ALG8: variants seen among roughly 807,000 people sequenced by gnomAD.
The protein encoded by ALG8 is ALG8 alpha-1,3-glucosyltransferase, also known as dolichyl pyrophosphate Glc1Man9GlcNAc2 alpha-1,3-glucosyltransferase.
Under a neutral mutation model 70.2 loss-of-function variants are expected in ALG8, and 48 were observed. That is an observed-to-expected ratio of 0.68 (90% CI 0.54 to 0.87). The LOEUF (loss-of-function observed/expected upper bound fraction) is 0.87, where lower values mean the gene tolerates loss of function less well. Ranked by LOEUF, ALG8 falls within the 40% of genes least tolerant of loss-of-function variation. The probability of loss-of-function intolerance (pLI) is 0.00; values close to 1 mark genes in which losing one functional copy is unlikely to be tolerated. For synonymous variants in ALG8, 234 were observed against 229.0 expected (o/e 1.02, Z -0.20); for missense variants, 572 against 608.7 (o/e 0.94, Z 0.64).
intron 1 of ALG8, among the ~76,000 whole-genome samples, chr11:78,130,361 A>AAAAAAAAAAAAAAAAAAGAAAG (rs928560857): frequency 2.3e-5 from 3 of 132,632 alleles, no homozygotes; most frequent in African/African-American, 6.3e-5. Flanking sequence ...AAAAAAAAAA[A>AAAAAAAAAAAAAAAAAAGAAAG]AAAAAAGGTG....
At chr11:78,112,575 A>G in intron 8 of ALG8, 75 bp downstream of exon 8, 1 of 1,595,100 alleles carries the variant, frequency 6.3e-7, no homozygotes, top group Non-Finnish European at 8.6e-7. Context: ...CAAAACACAA[A>G]GGTTTTTCCA....
At chr11:78,131,890 AAGT>A (rs1391697464) in intron 1 of ALG8, among the ~76,000 whole-genome samples, 2 of 152,206 alleles carry the variant, frequency 1.3e-5, no homozygotes, top group Non-Finnish European at 2.9e-5. Context: ...ATTGCAGCCA[AAGT>A]AGTATTTCTA....
chr11:78,109,304 A>G, intron 9 of ALG8, 138 bp downstream of exon 9: 1 of 1,155,548 alleles, frequency 8.7e-7, no homozygotes, highest in Non-Finnish European at 1.3e-6. Context: ...TTGCTAGGAA[A>G]TGCTTCAATC....
chr11:78,101,004 A>C lies in ALG8; in HGVS notation c.1541T>G (p.Val514Gly), dbSNP rs776024641. ...CTTGCCAATAGCAGAGTCAATCAAT[A>C]CTGAAACATACAGTTTGAACCAAGC... ...TYAWFKLYVSVLIDSAIGKTK... is the reference protein window; with the variant it reads ...TYAWFKLYVSGLIDSAIGKTK... The change falls in exon 13 of 13, where the codon GTA becomes GGA. Residue 514 changes from valine to glycine, a missense_variant. By Grantham distance (109) the Val-to-Gly change is moderately radical. Transcript: ENST00000299626. 4.3e-6 allele frequency: 7 copies of C among 1,614,110 alleles called. No homozygotes were observed. Among genetic ancestry groups the C allele is most frequent in the Non-Finnish European group, 8.5e-7 (1 of 1,180,038 alleles).
intron 9 of ALG8, among the ~76,000 whole-genome samples, chr11:78,107,209 AT>A (rs1565345784): frequency 6.8e-6 from 1 of 147,544 alleles, no homozygotes. Flanking sequence ...ATATATATAT[AT>A]ATATATATAT....
At chr11:78,122,381 C>A (rs949332669) in intron 3 of ALG8, among the ~76,000 whole-genome samples, 1 of 146,216 alleles carries the variant, frequency 6.8e-6, no homozygotes, top group Admixed American at 6.9e-5. Flanking sequence ...CTCAGTCTGT[C>A]GCCTAGGATG....
intron 10 of ALG8, among the ~76,000 whole-genome samples, 179 bp downstream of exon 10, chr11:78,106,628 C>T (rs1001835460): frequency 2.0e-5 from 3 of 152,188 alleles, no homozygotes; most frequent in African/African-American, 7.2e-5. Flanking sequence ...TTTTTGCATA[C>T]CTTCATGGGT....
chr11:78,103,640 CA>C (rs1178441459), intron 12 of ALG8, among the ~76,000 whole-genome samples: 2 of 151,984 alleles, frequency 1.3e-5, no homozygotes, highest in Non-Finnish European at 2.9e-5. Flanking sequence ...AAAAAACGAA[CA>C]AAAAAAATTT....
At chr11:78,116,211 A>C (rs2136908773) in intron 5 of ALG8, among the ~76,000 whole-genome samples, 1 of 152,234 alleles carries the variant, frequency 6.6e-6, no homozygotes, top group East Asian at 1.9e-4. Context: ...AATACAAAAA[A>C]TTAGCCAGGC....
At chr11:78,126,432 C>T (rs543596190) in intron 2 of ALG8, among the ~76,000 whole-genome samples, 41 of 145,212 alleles carry the variant, frequency 2.8e-4, no homozygotes, top group Middle Eastern at 3.8e-3. Context: ...CTTGGGAGGC[C>T]GAGGCAGGAG....
At chr11:78,102,218 T>C (rs1030880521) in intron 12 of ALG8, among the ~76,000 whole-genome samples, 1 of 152,214 alleles carries the variant, frequency 6.6e-6, no homozygotes, top group Non-Finnish European at 1.5e-5. Flanking sequence ...CTGGAACCAT[T>C]AACAATAACT....
At chr11:78,138,370 A>AT (rs1861638844) in intron 1 of ALG8, among the ~76,000 whole-genome samples, 3 of 151,742 alleles carry the variant, frequency 2.0e-5, no homozygotes, top group African/African-American at 7.3e-5. Flanking sequence ...AAAAAATAAC[A>AT]AACAAAAAAA....
In ALG8 at chr11:78,106,920, T is replaced by C. The variant is rs759289772; in HGVS notation, c.1065A>G (p.Lys355=). 3.1e-6 allele frequency: 5 copies of C among 1,613,508 alleles called. No homozygotes were observed. In the South Asian group the frequency reaches 5.5e-5, roughly 18 times the overall value. Reference sequence around the variant, plus strand: ...GGAGAAAGCCTCTGGGCCCTTGGGGTTTAAACCAAAGACAGAAAATAGAGG... The same window carrying C: ...GGAGAAAGCCTCTGGGCCCTTGGGGCTTAAACCAAAGACAGAAAATAGAGG... ...ILPSIFCLWF[K]PQGPRGFLRC... is the part of the protein sequence containing the mutation. Residue 355 remains lysine, a synonymous_variant, in exon 10 of 13, where the codon AAA becomes AAG. Coordinates refer to ENST00000299626, the MANE Select transcript of ALG8 (RefSeq NM_024079.5).
intron 2 of ALG8, 67 bp downstream of exon 2, chr11:78,127,291 A>G: frequency 1.4e-6 from 2 of 1,404,222 alleles, no homozygotes; most frequent in Non-Finnish European, 2.0e-6. Context: ...AACATTTTTA[A>G]TATCAGTAAT....
intron 2 of ALG8, among the ~76,000 whole-genome samples, chr11:78,126,726 T>C (rs1318593419): frequency 6.6e-6 from 1 of 152,120 alleles, no homozygotes; most frequent in African/African-American, 2.4e-5. Context: ...ATGTGCCAGA[T>C]GAGACACTAA....
chr11:78,130,123 G>T (rs1012446530), intron 1 of ALG8, among the ~76,000 whole-genome samples: 1 of 152,056 alleles, frequency 6.6e-6, no homozygotes, highest in Non-Finnish European at 1.5e-5. Flanking sequence ...AGGCCAAGGC[G>T]GGTGGATCAC....
At chr11:78,116,765 G>A (rs1194735336) in intron 5 of ALG8, among the ~76,000 whole-genome samples, 2 of 152,072 alleles carry the variant, frequency 1.3e-5, no homozygotes, top group Non-Finnish European at 2.9e-5. Flanking sequence ...CAGGAATTTC[G>A]GAAGGATTAA....
intron 4 of ALG8, among the ~76,000 whole-genome samples, 181 bp from the exon 5 acceptor site, chr11:78,119,430 T>A (rs1162102089): frequency 6.8e-6 from 1 of 146,220 alleles, no homozygotes; most frequent in African/African-American, 2.5e-5. Context: ...TTTTTTTAAT[T>A]TTTTTTTTTT....
intron 1 of ALG8, among the ~76,000 whole-genome samples, chr11:78,135,820 C>T (rs1861520265): frequency 1.3e-5 from 2 of 148,710 alleles, no homozygotes; most frequent in Non-Finnish European, 3.0e-5. Context: ...TACACTCCAG[C>T]ATGGGAGACA....
Sources: gnomAD v4.1 joint callset for allele counts (sites outside exome capture counted in the v4.1 genomes callset) on GRCh38, gnomAD v4.1.1 for gene constraint, MANE v1.5 for transcripts, NCBI Gene and HGNC (gene_info 2026-07-23, HGNC 2026-07-21) for gene names.